The following TRMT10A variants were observed in gnomAD, a reference collection of about 807,000 sequenced individuals.
TRMT10A encodes the protein tRNA methyltransferase 10 homolog A.
Under a neutral mutation model 40.4 loss-of-function variants are expected in TRMT10A, and 37 were observed. The ratio of observed to expected loss-of-function variants is 0.92; its 90% CI spans 0.71 to 1.21. The LOEUF is 1.21. Ranked by LOEUF, TRMT10A falls within the 50% of genes most tolerant of loss-of-function variation. The probability of loss-of-function intolerance (pLI) is 0.00; values close to 1 mark genes in which losing one functional copy is unlikely to be tolerated. For missense variants in TRMT10A, 388 were observed against 404.3 expected (o/e 0.96, Z 0.35); for synonymous variants, 103 against 134.1 (o/e 0.77, Z 1.60).
intron 1 of TRMT10A, among the ~76,000 whole-genome samples, chr4:99,560,483 T>C (rs1012596103): frequency 6.6e-6 from 1 of 151,526 alleles, no homozygotes; most frequent in Non-Finnish European, 1.5e-5. Context: ...AGAAAAATAA[T>C]ATGGAGGAGC....
At chr4:99,559,106 T>G in intron 2 of TRMT10A, 48 bp downstream of exon 2, 2 of 1,550,296 alleles carry the variant, frequency 1.3e-6, no homozygotes, top group South Asian at 1.2e-5. Flanking sequence ...GGTTTAACAT[T>G]GCATATCTCT....
In TRMT10A at chr4:99,562,201, A is replaced by ATGTG. The variant is rs60133760; in HGVS notation, c.-24+1708_-24+1711dup. 3.6e-3 allele frequency among the ~76,000 whole-genome samples: 491 copies of ATGTG among 136,180 alleles called. 6 individuals are homozygous for ATGTG. Among genetic ancestry groups the ATGTG allele is most frequent in the African/African-American group, 0.011 (382 of 35,078 alleles). 89.3% of individuals were successfully genotyped at this position (136,180 alleles called of 152,430 possible). ...AAAAAAAAAAATTATATATATATAT[A>ATGTG]TGTGTGTGTGTGTGTGTGTGTGTGT... On this transcript the variant is annotated intron_variant, in intron 1 of 7. Coordinates refer to ENST00000394876, the MANE Select transcript of TRMT10A (RefSeq NM_001134665.3).
intron 6 of TRMT10A, among the ~76,000 whole-genome samples, chr4:99,551,660 T>C (rs1723970216): frequency 6.6e-6 from 1 of 151,992 alleles, no homozygotes; most frequent in South Asian, 2.1e-4. Context: ...GTACTCCTCC[T>C]ACTCCTAAAA....
At chr4:99,559,011 G>A in intron 2 of TRMT10A, 143 bp downstream of exon 2, 1 of 855,042 alleles carries the variant, frequency 1.2e-6, no homozygotes, top group East Asian at 2.6e-5. Flanking sequence ...TTCTTCTCTT[G>A]CGTTTTTCTT....
chr4:99,554,722 C>CAAAAAAAAAAAAAAA (rs532448105), intron 5 of TRMT10A, among the ~76,000 whole-genome samples: 17 of 90,766 alleles, frequency 1.9e-4, no homozygotes, highest in Admixed American at 2.7e-4. Flanking sequence ...GACTACGTTT[C>CAAAAAAAAAAAAAAA]AAAAAAAAAA....
intron 3 of TRMT10A, 96 bp from the exon 4 acceptor site, chr4:99,557,512 T>C (rs1348655141): frequency 9.3e-6 from 9 of 964,994 alleles, no homozygotes; most frequent in Middle Eastern, 4.8e-4. Flanking sequence ...GGGATGACTA[T>C]ATACATACAA....
At position 99,557,420 on chromosome 4, in the gene TRMT10A, TCA is replaced by T. The variant is rs746932952; in HGVS notation, c.349-6_349-5del. 7.4e-6 allele frequency: 12 copies of T among 1,611,494 alleles called. No homozygotes were observed. The East Asian group carries it at 1.6e-4, about 21-fold the overall frequency. On this transcript the variant is annotated splice_polypyrimidine_tract_variant and splice_region_variant and intron_variant, in intron 3 of 7. Coordinates refer to ENST00000394876, the MANE Select transcript of TRMT10A (RefSeq NM_001134665.3). ...GCTTATGAAGTTTCTTAATGTCCTA[TCA>T]CAGAGTTCAATTTTTAAAGCAAAGT...
Position 99,547,638 on chromosome 4 carries a change from T to C in TRMT10A, c.*1450A>G, listed in dbSNP as rs1283093516. ...TTATTTTAAAATTGTAGGGCTTGTC[T>C]TTACTTACATATCTTGCCTACAGAC... On this transcript the variant is annotated 3_prime_UTR_variant, in exon 8 of 8. Coordinates refer to ENST00000394876, the MANE Select transcript of TRMT10A (RefSeq NM_001134665.3). The C allele has an allele frequency of 6.6e-6, 1 of 152,118 alleles. No individual in the cohort carries two copies. The highest frequency in any genetic ancestry group is 1.5e-5 in the Non-Finnish European group (1 of 68,002). The allele number at this position is 152,118 out of a possible 1,614,324, so 9.4% of individuals were successfully genotyped here.
chr4:99,557,909 A>T, intron 3 of TRMT10A, 140 bp downstream of exon 3: 1 of 743,294 alleles, frequency 1.3e-6, no homozygotes, highest in Non-Finnish European at 2.1e-6. Context: ...TTTGCTAGCT[A>T]ATTTAACTTA....
intron 1 of TRMT10A, among the ~76,000 whole-genome samples, chr4:99,562,425 T>G (rs1464847345): frequency 6.6e-6 from 1 of 151,320 alleles, no homozygotes; most frequent in Non-Finnish European, 1.5e-5. Context: ...GTCGTTAATT[T>G]ATGACAGTCT....
In TRMT10A at chr4:99,556,120, T is replaced by C. The variant is rs11939198; in HGVS notation, c.495+26A>G. ...AGAAACATAAAAATACTTGGAATTA[T>C]GTGAGAGTTTATCTGTTTTAATTAC... On this transcript the variant is annotated intron_variant, in intron 5 of 7. Coordinates refer to ENST00000394876, the MANE Select transcript of TRMT10A (RefSeq NM_001134665.3). 2,310 of 1,602,248 alleles carry C rather than the reference T, an allele frequency of 1.4e-3. 21 individuals carry two copies. The African/African-American group carries it at 0.026, about 18-fold the overall frequency.
chr4:99,563,969 G>A lies in TRMT10A; in HGVS notation c.-80C>T, dbSNP rs1560607298. 1 of 1,202,472 alleles carries A rather than the reference G, an allele frequency of 8.3e-7. No homozygotes were observed. Among genetic ancestry groups the A allele is most frequent in the Non-Finnish European group, 1.2e-6 (1 of 844,558 alleles). The allele number at this position is 1,202,472 out of a possible 1,614,324, so 74.5% of individuals were successfully genotyped here. On this transcript the variant is annotated 5_prime_UTR_variant, in exon 1 of 8. Coordinates refer to ENST00000394876, the MANE Select transcript of TRMT10A (RefSeq NM_001134665.3). Reference sequence around the variant, plus strand: ...TCAGAAAGAAAGCCTTTCTGGGTTGGCCTGGTTACGGCTCACGCTTCCTTC... The same window carrying A: ...TCAGAAAGAAAGCCTTTCTGGGTTGACCTGGTTACGGCTCACGCTTCCTTC...
At chr4:99,559,816 T>C (rs1724314410) in intron 1 of TRMT10A, among the ~76,000 whole-genome samples, 1 of 152,100 alleles carries the variant, frequency 6.6e-6, no homozygotes, top group Non-Finnish European at 1.5e-5. Context: ...ATCTATAACA[T>C]GGGCAAGGAA....
Position 99,547,330 on chromosome 4 carries a change from C to T in TRMT10A, c.*1758G>A, listed in dbSNP as rs1578200387. On this transcript the variant is annotated 3_prime_UTR_variant, in exon 8 of 8. Transcript: ENST00000394876. ...GGCACTGGGACATTGTGAGTCTGGA[C>T]ATTTAGTCTCTGGAACTGTTAAGAG... 6.6e-6 allele frequency: 1 copy of T among 152,184 alleles called. No homozygotes were observed. The highest frequency in any genetic ancestry group is 2.1e-4 in the South Asian group (1 of 4,818). 9.4% of individuals were successfully genotyped at this position (152,184 alleles called of 1,614,324 possible).
Position 99,559,176 on chromosome 4 carries a change from C to T in TRMT10A, c.163G>A (p.Glu55Lys), listed in dbSNP as rs375149914. The change falls in exon 2 of 8, where the codon GAA (glutamate) becomes AAA (lysine). Residue 55 changes from glutamate to lysine, a missense_variant. Transcript: ENST00000394876. The part of the protein sequence containing the change: ...MKKLIKQKQW[E>K]EQRELRKQKR... ...TACTTGCGGAGTTCCCGTTGCTCTT[C>T]CCATTGTTTCTGTTTTATTAGTTTT... The T allele has an allele frequency of 7.1e-5, 114 of 1,612,356 alleles. No homozygotes were observed. The highest frequency in any genetic ancestry group is 8.7e-5 in the Non-Finnish European group (102 of 1,179,070).
At chr4:99,550,198 T>C (rs570480067) in intron 7 of TRMT10A, among the ~76,000 whole-genome samples, 1 of 152,172 alleles carries the variant, frequency 6.6e-6, no homozygotes, top group Non-Finnish European at 1.5e-5. Flanking sequence ...TTTTTTAAAT[T>C]TATTTATTTG....
At position 99,547,149 on chromosome 4, in the gene TRMT10A, A is replaced by G. The variant is rs1201418453; in HGVS notation, c.*1939T>C. ...CTAGAAAAAGAGTTTGGACACGGAT[A>G]CAAACATAGAAGACAGGGTAGAAGA... On this transcript the variant is annotated 3_prime_UTR_variant, in exon 8 of 8. Transcript: ENST00000394876. The G allele has an allele frequency of 6.6e-6, 1 of 152,208 alleles. No homozygotes were observed. 9.4% of individuals were successfully genotyped at this position (152,208 alleles called of 1,614,324 possible).
Position 99,547,913 on chromosome 4 carries a change from C to A in TRMT10A, c.*1175G>T, listed in dbSNP as rs1036677267. 2.6e-5 allele frequency: 4 copies of A among 152,114 alleles called. No homozygotes were observed. Among genetic ancestry groups the A allele is most frequent in the Admixed American group, 1.3e-4 (2 of 15,260 alleles). The allele number at this position is 152,114 out of a possible 1,614,324, so 9.4% of individuals were successfully genotyped here. A position where few individuals can be genotyped will look rare whatever the true frequency, so the allele number is the denominator to read the frequency against. Reference sequence around the variant, plus strand: ...TCTTTTAGCTGTGACAGAGACCAATCATTTTACCTTAAACATTTAACTGCA... The same window carrying A: ...TCTTTTAGCTGTGACAGAGACCAATAATTTTACCTTAAACATTTAACTGCA... On this transcript the variant is annotated 3_prime_UTR_variant, in exon 8 of 8. Coordinates refer to ENST00000394876, the MANE Select transcript of TRMT10A (RefSeq NM_001134665.3).
chr4:99,559,328 T>A lies in TRMT10A; in HGVS notation c.11A>T (p.Glu4Val), dbSNP rs1724291923. The change falls in exon 2 of 8, where the codon GAA (glutamate) becomes GTA (valine). Residue 4 changes from glutamate (E) to valine (V), a missense_variant. Coordinates refer to ENST00000394876, the MANE Select transcript of TRMT10A (RefSeq NM_001134665.3). ...AGTTTCAATAAATGCTGGCAACATT[T>A]CAGATGACATTATTTGGTGCCTCTG... is the stretch of plus-strand genomic sequence containing the variant. MSS[E>V]MLPAFIETSN... 1.2e-6 allele frequency: 2 copies of A among 1,608,602 alleles called. No homozygotes were observed. Among genetic ancestry groups the A allele is most frequent in the African/African-American group, 2.7e-5 (2 of 74,804 alleles).
Sources: gnomAD v4.1 joint callset for allele counts (sites outside exome capture counted in the v4.1 genomes callset) on GRCh38, gnomAD v4.1.1 for gene constraint, MANE v1.5 for transcripts, NCBI Gene and HGNC (gene_info 2026-07-23, HGNC 2026-07-21) for gene names.